Variants in MUC15 observed in about 807,000 individuals in gnomAD.
The protein encoded by MUC15 is mucin 15, cell surface associated.
Under a neutral mutation model 24.0 loss-of-function variants are expected in MUC15, and 23 were observed. That is an observed-to-expected ratio of 0.96 (90% CI 0.69 to 1.36). The LOEUF is 1.36. Among genes scored for constraint, MUC15 ranks in the 40% most tolerant of loss-of-function variants. The pLI is 0.00. For missense variants in MUC15, 442 were observed against 428.2 expected (o/e 1.03, Z -0.29); for synonymous variants, 151 against 156.3 (o/e 0.97, Z 0.25).
chr11:26,570,979 GA>G (rs1470079786), intron 1 of MUC15, among the ~76,000 whole-genome samples: 4 of 151,498 alleles, frequency 2.6e-5, no homozygotes, highest in Non-Finnish European at 5.9e-5. Flanking sequence ...TAAAAAGAAA[GA>G]AAAAATAAAA....
intron 2 of MUC15, among the ~76,000 whole-genome samples, chr11:26,566,103 G>A (rs1850572487): frequency 6.6e-6 from 1 of 151,648 alleles, no homozygotes; most frequent in Non-Finnish European, 1.5e-5. Flanking sequence ...TTCCTTCCTT[G>A]CTTCTAGGGA....
intron 1 of MUC15, among the ~76,000 whole-genome samples, chr11:26,569,641 A>G (rs992260056): frequency 6.6e-6 from 1 of 152,056 alleles, no homozygotes; most frequent in Non-Finnish European, 1.5e-5. Flanking sequence ...AGCCTAATGG[A>G]GGTGGGACAG....
rs200191911 is a variant in MUC15 at position 26,565,653 on chromosome 11, G to A, written c.287C>T (p.Ala96Val). 27 of 1,613,326 alleles carry A rather than the reference G, an allele frequency of 1.7e-5. No homozygotes were observed. Among genetic ancestry groups the A allele is most frequent in the Middle Eastern group, 1.6e-4 (1 of 6,062 alleles). ...TAGATTCAAAGGAGGGGAATGACTC[G>A]CCTTGAGATTTGAGGTGGTTATATT... ...KENITTSNLKASHSPPLNLPN... is the reference protein window; with the variant it reads ...KENITTSNLKVSHSPPLNLPN... The change falls in exon 3 of 5, where the codon GCG (alanine) becomes GTG (valine). Residue 96 changes from alanine (A) to valine (V), a missense_variant. Ala to Val is a moderately conservative substitution (Grantham distance 64, BLOSUM62 0). Coordinates refer to ENST00000529533, the MANE Select transcript of MUC15 (RefSeq NM_001135091.2).
At chr11:26,561,454 CAAAGT>C (rs978229915) in intron 4 of MUC15, among the ~76,000 whole-genome samples, 16 of 151,722 alleles carry the variant, frequency 1.1e-4, no homozygotes, top group African/African-American at 3.9e-4. Context: ...TTGATGGACT[CAAAGT>C]AAAGGAACTA....
intron 2 of MUC15, among the ~76,000 whole-genome samples, chr11:26,566,386 T>C (rs533771331): frequency 6.6e-6 from 1 of 151,986 alleles, no homozygotes; most frequent in Non-Finnish European, 1.5e-5. Context: ...TGACTATACA[T>C]TAAATGCACC....
At chr11:26,565,925 C>A in intron 2 of MUC15, 29 bp from the exon 3 acceptor site, 1 of 1,522,558 alleles carries the variant, frequency 6.6e-7, no homozygotes, top group Non-Finnish European at 8.8e-7. Context: ...AATTTGAATT[C>A]CTTAAATAAA....
Position 26,565,458 on chromosome 11 carries a change from A to T in MUC15, c.482T>A (p.Ile161Asn). ...APIADEDLLP[I>N]SAHPNATPAL... ...AGGTGTAGCATTGGGATGTGCTGAG[A>T]TGGGCAAAAGATCTTCATCTGCTAT... Residue 161 changes from isoleucine to asparagine, a missense_variant, in exon 3 of 5, where the codon ATC (isoleucine) becomes AAC (asparagine). Coordinates refer to ENST00000529533, the MANE Select transcript of MUC15 (RefSeq NM_001135091.2). 1.9e-6 allele frequency: 3 copies of T among 1,613,460 alleles called. No homozygotes were observed. Among genetic ancestry groups the T allele is most frequent in the Non-Finnish European group, 2.5e-6 (3 of 1,179,588 alleles).
chr11:26,564,747 A>AGTT (rs1850486537), intron 3 of MUC15, among the ~76,000 whole-genome samples: 1 of 63,810 alleles, frequency 1.6e-5, no homozygotes, highest in Non-Finnish European at 2.9e-5. Context: ...ATATATATAT[A>AGTT]TATATATATA....
intron 2 of MUC15, 101 bp from the exon 3 acceptor site, chr11:26,565,997 A>G: frequency 8.6e-7 from 1 of 1,169,148 alleles, no homozygotes; most frequent in African/African-American, 1.6e-5. Flanking sequence ...GACATAATAT[A>G]GAGATGGTAA....
At chr11:26,571,807 A>G (rs1850838317) in intron 1 of MUC15, among the ~76,000 whole-genome samples, 1 of 152,100 alleles carries the variant, frequency 6.6e-6, no homozygotes, top group Admixed American at 6.6e-5. Flanking sequence ...TAATCTAGCA[A>G]ATTTGGCAGT....
At chr11:26,571,621 G>A (rs1182331094) in intron 1 of MUC15, among the ~76,000 whole-genome samples, 1 of 151,956 alleles carries the variant, frequency 6.6e-6, no homozygotes, top group African/African-American at 2.4e-5. Context: ...AATACTTAAA[G>A]CAAAAACCTT....
At chr11:26,562,093 T>C (rs1322945019) in intron 4 of MUC15, among the ~76,000 whole-genome samples, 1 of 151,930 alleles carries the variant, frequency 6.6e-6, no homozygotes, top group African/African-American at 2.4e-5. Flanking sequence ...GTTTAGATTG[T>C]ATCAATTTTT....
intron 3 of MUC15, 138 bp from the exon 4 acceptor site, chr11:26,563,403 G>C (rs1296005675): frequency 2.4e-4 from 40 of 168,958 alleles, no homozygotes; most frequent in Middle Eastern, 1.6e-3. Flanking sequence ...CTCTGTGTGT[G>C]TGTGTGTGTG....
In MUC15 at chr11:26,563,393, CTCTGTGTGTGTG is replaced by C. The variant is rs1369594503; in HGVS notation, c.776-140_776-129del. 153 of 825,524 alleles carry C rather than the reference CTCTGTGTGTGTG, an allele frequency of 1.9e-4. 1 individual carries two copies. The highest frequency in any genetic ancestry group is 2.6e-4 in the South Asian group (12 of 46,068). 51.1% of individuals were successfully genotyped at this position (825,524 alleles called of 1,614,324 possible). Reference sequence around the variant, plus strand: ...AAATTAGATAATGGTGTGTTTCTCTCTCTGTGTGTGTGTGTGTGTGTGTGTGTGTGTGTGTGT... The same window carrying C: ...AAATTAGATAATGGTGTGTTTCTCTCTGTGTGTGTGTGTGTGTGTGTGTGT... On this transcript the variant is annotated intron_variant, in intron 3 of 4. Coordinates refer to ENST00000529533, the MANE Select transcript of MUC15 (RefSeq NM_001135091.2).
rs750485843 is a variant in MUC15 at position 26,565,350 on chromosome 11, A to T, written c.590T>A (p.Ile197Asn). The change falls in exon 3 of 5, where the codon ATC (isoleucine) becomes AAC (asparagine). Residue 197 changes from isoleucine to asparagine, a missense_variant. Ile to Asn is a moderately radical substitution (Grantham distance 149, BLOSUM62 -3). Coordinates refer to ENST00000529533, the MANE Select transcript of MUC15 (RefSeq NM_001135091.2). ...TGGAGAAGTTGGTTCTGAAGAGAGG[A>T]TGCTAACTGTAATGGAACTGTTATC... ...TPDNSSITVS[I>N]LSSEPTSPSV... 16 of 1,612,722 alleles carry T rather than the reference A, an allele frequency of 9.9e-6. No individual in the cohort carries two copies. The highest frequency in any genetic ancestry group is 1.3e-5 in the Non-Finnish European group (15 of 1,179,260).
At chr11:26,568,932 A>G (rs974743637) in intron 1 of MUC15, among the ~76,000 whole-genome samples, 3 of 152,022 alleles carry the variant, frequency 2.0e-5, no homozygotes, top group Admixed American at 6.6e-5. Context: ...TTTCAGCATT[A>G]TTATGGCATT....
rs1378637997 is a variant in MUC15 at position 26,572,139 on chromosome 11, G to T, written c.-144C>A. 1.0e-6 allele frequency: 1 copy of T among 985,236 alleles called. No individual in the cohort carries two copies. Among genetic ancestry groups the T allele is most frequent in the Non-Finnish European group, 1.2e-6 (1 of 829,926 alleles). The allele number at this position is 985,236 out of a possible 1,614,324, so 61.0% of individuals were successfully genotyped here. On this transcript the variant is annotated 5_prime_UTR_variant, in exon 1 of 5. Coordinates refer to ENST00000529533, the MANE Select transcript of MUC15 (RefSeq NM_001135091.2). ...GCATTAGAGAAAACAGATGGGTTAA[G>T]TGTGACAATGTCGCACTGAGCAGGA...
intron 1 of MUC15, among the ~76,000 whole-genome samples, chr11:26,570,915 G>A (rs917006875): frequency 2.0e-5 from 3 of 151,926 alleles, no homozygotes; most frequent in African/African-American, 4.8e-5. Context: ...TAACCAACTA[G>A]AAAAAGGATT....
rs1468754115 is a variant in MUC15 at position 26,563,391 on chromosome 11, CTCTCTGTG to C, written c.776-134_776-127del. On this transcript the variant is annotated intron_variant, in intron 3 of 4. Coordinates refer to ENST00000529533, the MANE Select transcript of MUC15 (RefSeq NM_001135091.2). Reference sequence around the variant, plus strand: ...TAAAATTAGATAATGGTGTGTTTCTCTCTCTGTGTGTGTGTGTGTGTGTGTGTGTGTGT... The same window carrying C: ...TAAAATTAGATAATGGTGTGTTTCTCTGTGTGTGTGTGTGTGTGTGTGTGT... The C allele has an allele frequency of 1.0e-4, 86 of 840,840 alleles. No homozygotes were observed. In the Middle Eastern group the frequency reaches 1.5e-3, roughly 14 times the overall value. The allele number at this position is 840,840 out of a possible 1,614,324, so 52.1% of individuals were successfully genotyped here.
Sources: allele counts gnomAD v4.1 joint callset (sites outside exome capture counted in the v4.1 genomes callset), GRCh38; gene constraint gnomAD v4.1.1; transcripts MANE v1.5; gene names NCBI Gene and HGNC (gene_info 2026-07-23, HGNC 2026-07-21).